Variants in CYP2B6 observed in about 807,000 individuals in gnomAD.
The protein encoded by CYP2B6 is cytochrome P450 2B6.
In CYP2B6, 35 loss-of-function variants were observed where a neutral mutation model predicts 43.4. The ratio of observed to expected loss-of-function variants is 0.81; its 90% CI spans 0.62 to 1.07. The LOEUF is 1.07. CYP2B6 is among the 50% of genes least tolerant of loss of function. CYP2B6 has a pLI of 0.00. For synonymous variants in CYP2B6, 239 were observed against 239.2 expected (o/e 1.00, Z 0.01); for missense variants, 624 against 632.8 (o/e 0.99, Z 0.15).
At chr19:41,003,870 G>C in intron 1 of CYP2B6, 131 bp from the exon 2 acceptor site, 2 of 1,264,394 alleles carry the variant, frequency 1.6e-6, no homozygotes, top group Admixed American at 2.0e-5. Flanking sequence ...CCCAGCAGGG[G>C]AAAGGGCAGC....
chr19:41,014,630 A>G (rs1486572603), intron 8 of CYP2B6, among the ~76,000 whole-genome samples: 1 of 152,168 alleles, frequency 6.6e-6, no homozygotes, highest in African/African-American at 2.4e-5. Flanking sequence ...AGAGAGGCAG[A>G]GATGTAGGGA....
Position 41,017,748 on chromosome 19 carries a change from C to T in CYP2B6, c.*921C>T, listed in dbSNP as rs1969392606. On this transcript the variant is annotated 3_prime_UTR_variant, in exon 9 of 9. Transcript: ENST00000324071. ...ACCCATACCTATCAAGCTGTCACTC[C>T]CCATACCCCATTCTCTTTTTCATCT... The T allele has an allele frequency of 6.6e-6, 1 of 152,186 alleles. No homozygotes were observed. The highest frequency in any genetic ancestry group is 6.6e-5 in the Admixed American group (1 of 15,262). 9.4% of individuals were successfully genotyped at this position (152,186 alleles called of 1,614,324 possible).
At chr19:41,001,597 G>T (rs769046712) in intron 1 of CYP2B6, among the ~76,000 whole-genome samples, 4 of 152,142 alleles carry the variant, frequency 2.6e-5, no homozygotes, top group South Asian at 2.1e-4. Flanking sequence ...TAAGGTGGTT[G>T]TGAGGATTAA....
intron 8 of CYP2B6, among the ~76,000 whole-genome samples, chr19:41,013,529 GAT>G (rs1206496514): frequency 1.4e-3 from 216 of 152,266 alleles, no homozygotes; most frequent in African/African-American, 4.6e-3. Context: ...GTAGAAACGT[GAT>G]ATGGCACCAT....
chr19:41,005,898 C>G (rs4803418), intron 3 of CYP2B6, among the ~76,000 whole-genome samples: 41,596 of 151,798 alleles, frequency 0.27, 6,517 homozygotes, highest in East Asian at 0.45. Context: ...ATTAGAGAGA[C>G]AGACAGACAA....
At chr19:41,004,534 A>T in intron 3 of CYP2B6, 88 bp downstream of exon 3, 1 of 1,481,126 alleles carries the variant, frequency 6.8e-7, no homozygotes, top group South Asian at 1.2e-5. Flanking sequence ...AGAGGTATAT[A>T]AGGGCACAGA....
chr19:41,004,668 G>A (rs968789212), intron 3 of CYP2B6, among the ~76,000 whole-genome samples: 2 of 151,984 alleles, frequency 1.3e-5, no homozygotes, highest in African/African-American at 4.8e-5. Flanking sequence ...GGGAAAGAGA[G>A]AGATGCCAGG....
At chr19:41,013,007 A>G in intron 8 of CYP2B6, 192 bp downstream of exon 8, 1 of 686,454 alleles carries the variant, frequency 1.5e-6, no homozygotes, top group African/African-American at 1.8e-5. Context: ...TCCCAAAGGC[A>G]CATCTTGGCA....
chr19:41,009,955 T>TC, intron 5 of CYP2B6, 39 bp from the exon 6 acceptor site: 2 of 1,613,408 alleles, frequency 1.2e-6, no homozygotes, highest in South Asian at 2.2e-5. Context: ...GGCTACAGCC[T>TC]CCCCTGACCC....
At chr19:40,996,246 A>C (rs1030162779) in intron 1 of CYP2B6, among the ~76,000 whole-genome samples, 1 of 152,104 alleles carries the variant, frequency 6.6e-6, no homozygotes, top group African/African-American at 2.4e-5. Flanking sequence ...GAGGATTTTA[A>C]AATTTATATT....
At chr19:41,004,505 C>G in intron 3 of CYP2B6, 59 bp downstream of exon 3, 3 of 1,582,778 alleles carry the variant, frequency 1.9e-6, no homozygotes, top group Non-Finnish European at 2.6e-6. Flanking sequence ...GATGCAGGTG[C>G]ACGGGAATAG....
intron 6 of CYP2B6, among the ~76,000 whole-genome samples, chr19:41,011,416 C>T (rs1193776309): frequency 6.6e-6 from 1 of 152,120 alleles, no homozygotes; most frequent in Non-Finnish European, 1.5e-5. Context: ...ATGGATCATT[C>T]ATTAGTGATT....
intron 6 of CYP2B6, 46 bp downstream of exon 6, chr19:41,010,181 G>A: frequency 6.8e-6 from 11 of 1,609,006 alleles, no homozygotes; most frequent in Non-Finnish European, 9.3e-6. Flanking sequence ...ACCTCCTTCT[G>A]AGCTGCAGAA....
chr19:41,011,317 C>T (rs1969279785), intron 6 of CYP2B6, among the ~76,000 whole-genome samples: 1 of 152,182 alleles, frequency 6.6e-6, no homozygotes, highest in South Asian at 2.1e-4. Context: ...TTTACTCATA[C>T]TTCACTAATT....
chr19:41,007,092 G>T (rs1969202468), intron 4 of CYP2B6, 27 bp downstream of exon 4: 1 of 1,613,190 alleles, frequency 6.2e-7, no homozygotes, highest in Admixed American at 1.7e-5. Flanking sequence ...GGGACAGGGG[G>T]TGTGGGGGTG....
chr19:41,005,433 A>G (rs1969161923), intron 3 of CYP2B6, among the ~76,000 whole-genome samples: 1 of 152,044 alleles, frequency 6.6e-6, no homozygotes, highest in Admixed American at 6.5e-5. Flanking sequence ...GAAGAGAAGG[A>G]CAGGAAGAAA....
intron 1 of CYP2B6, among the ~76,000 whole-genome samples, chr19:40,998,941 GTAATGGGATGGCTGGGTC>G (rs1210880214): frequency 2.3e-5 from 3 of 129,848 alleles, no homozygotes; most frequent in Non-Finnish European, 4.8e-5. Context: ...TATATACCCA[GTAATGGGATGGCTGGGTC>G]AAATGGTATT....
intron 8 of CYP2B6, among the ~76,000 whole-genome samples, chr19:41,014,586 T>C (rs1969332798): frequency 6.6e-6 from 1 of 152,172 alleles, no homozygotes; most frequent in South Asian, 2.1e-4. Context: ...ATTACAGGCA[T>C]AAGCCACTGC....
At chr19:41,016,588 C>A in intron 8 of CYP2B6, 58 bp from the exon 9 acceptor site, 1 of 1,584,212 alleles carries the variant, frequency 6.3e-7, no homozygotes, top group South Asian at 1.1e-5. Flanking sequence ...AGGGACATGG[C>A]AGAGCGAAGT....
Sources: allele counts gnomAD v4.1 joint callset (sites outside exome capture counted in the v4.1 genomes callset), GRCh38; gene constraint gnomAD v4.1.1; transcripts MANE v1.5; gene names NCBI Gene and HGNC (gene_info 2026-07-23, HGNC 2026-07-21).